The following ANKLE1 variants were observed in gnomAD, a reference collection of about 807,000 sequenced individuals.
ANKLE1 encodes structure-specific endonuclease ANKLE1.
ANKLE1 carries 59 observed loss-of-function variants against 56.2 expected under a neutral mutation model. The ratio of observed to expected loss-of-function variants is 1.05; its 90% CI spans 0.85 to 1.30. The LOEUF is 1.30. Ranked by LOEUF, ANKLE1 falls within the 50% of genes most tolerant of loss-of-function variation. The pLI is 0.00. For missense variants in ANKLE1, 771 were observed against 816.1 expected (o/e 0.94, Z 0.67); for synonymous variants, 341 against 352.9 (o/e 0.97, Z 0.38).
Position 17,283,512 on chromosome 19 carries a change from G to C in ANKLE1, c.748G>C (p.Gly250Arg), listed in dbSNP as rs35635297. Residue 250 changes from glycine (G) to arginine (R), a missense_variant, in exon 5 of 9, where the codon GGA becomes CGA. By Grantham distance (125) the Gly-to-Arg change is moderately radical. Transcript: ENST00000404085. Reference protein sequence around the residue: ...WAGSLPPTRQGLLHVVHANQR... With the variant: ...WAGSLPPTRQRLLHVVHANQR... ...TGGGTCATTGCCACCGACCAGGCAG[G>C]GACTTCTGCATGTTGTCCATGCCAA... The C allele has an allele frequency of 1.5e-4, 239 of 1,613,018 alleles. 1 individual carries two copies. In the African/African-American group the frequency reaches 3.1e-3, roughly 21 times the overall value.
In ANKLE1 at chr19:17,284,203, C is replaced by A; in HGVS notation, c.1313C>A (p.Pro438His). 6.2e-7 allele frequency: 1 copy of A among 1,613,894 alleles called. No homozygotes were observed. Among genetic ancestry groups the A allele is most frequent in the Non-Finnish European group, 8.5e-7 (1 of 1,179,894 alleles). The stretch of plus-strand genomic sequence containing the variant: ...GCCCAGCAGTTTGAGCAGCCAGATC[C>A]TGCCAGGAGGTGGCGGGAGGGGGTC... ...ALAQQFEQPD[P>H]ARRWREGVVK... Residue 438 changes from proline (P) to histidine (H), a missense_variant, in exon 6 of 9, where the codon CCT becomes CAT. By Grantham distance (77) the Pro-to-His change is moderately conservative. Transcript: ENST00000404085.
chr19:17,286,910 T>A lies in ANKLE1; in HGVS notation c.*358T>A. ...AACTCCACCTGGAATAGGAGCTGGG[T>A]AAAATGAGGCTGAAACCTACTGGGC... On this transcript the variant is annotated 3_prime_UTR_variant, in exon 9 of 9. Coordinates refer to ENST00000404085, the MANE Select transcript of ANKLE1 (RefSeq NM_152363.6). The A allele has an allele frequency of 1.3e-6, 1 of 758,074 alleles. No homozygotes were observed. The highest frequency in any genetic ancestry group is 1.7e-6 in the Non-Finnish European group (1 of 594,090). 47.0% of individuals were successfully genotyped at this position (758,074 alleles called of 1,614,324 possible). A position where few individuals can be genotyped will look rare whatever the true frequency, so the allele number is the denominator to read the frequency against.
At chr19:17,284,035 C>G (rs1317190811) in intron 5 of ANKLE1, 54 bp from the exon 6 acceptor site, 19 of 1,604,410 alleles carry the variant, frequency 1.2e-5, no homozygotes, top group Non-Finnish European at 1.5e-5. Flanking sequence ...CTCTCAGCCC[C>G]ACTTTCCTCC....
At position 17,286,493 on chromosome 19, in the gene ANKLE1, G is replaced by T; in HGVS notation, c.1789G>T (p.Val597Phe). Residue 597 changes from valine (V) to phenylalanine (F), a missense_variant, in exon 9 of 9, where the codon GTC becomes TTC. Physicochemically the swap from Val to Phe is conservative, Grantham distance 50. Coordinates refer to ENST00000404085, the MANE Select transcript of ANKLE1 (RefSeq NM_152363.6). ...GVHLLHRALL[V>F]FLAEGERQLH... ...GCACCTGCTGCACCGTGCCCTCCTT[G>T]TCTTCCTGGCTGAAGGCGAGCGACA... 2 of 1,612,688 alleles carry T rather than the reference G, an allele frequency of 1.2e-6. No homozygotes were observed. The highest frequency in any genetic ancestry group is 2.7e-5 in the African/African-American group (2 of 75,048).
Position 17,283,944 on chromosome 19 carries a change from G to T in ANKLE1, c.1180G>T (p.Glu394Ter), listed in dbSNP as rs2074004679. ...TRQLYHQQLE[E>*]AQIAPGPEFS... ...GCAGTTGTACCACCAGCAGCTGGAA[G>T]AAGCCCAGATTGCTCCTGGTTAGTC... Residue 394 changes from glutamate (E) to a stop codon, truncating the protein, a stop_gained, in exon 5 of 9, where the codon GAA (glutamate) becomes TAA (stop). Transcript: ENST00000404085. LOFTEE classifies it high-confidence loss of function. 2 of 1,606,542 alleles carry T rather than the reference G, an allele frequency of 1.2e-6. No individual in the cohort carries two copies. Among genetic ancestry groups the T allele is most frequent in the Admixed American group, 1.7e-5 (1 of 59,786 alleles).
chr19:17,283,810 C>A lies in ANKLE1; in HGVS notation c.1046C>A (p.Pro349His), dbSNP rs1193044858. 1.2e-6 allele frequency: 2 copies of A among 1,613,420 alleles called. No individual in the cohort carries two copies. Among genetic ancestry groups the A allele is most frequent in the Admixed American group, 1.7e-5 (1 of 60,028 alleles). The change falls in exon 5 of 9, where the codon CCT becomes CAT. Residue 349 changes from proline (P) to histidine (H), a missense_variant. Coordinates refer to ENST00000404085, the MANE Select transcript of ANKLE1 (RefSeq NM_152363.6). The part of the protein sequence containing the change: ...DEASSTGGRE[P>H]VGPCRHLPVS... ...GCAAGCTCTACAGGTGGCAGGGAAC[C>A]TGTCGGCCCTTGCCGGCACCTGCCA... is the stretch of plus-strand genomic sequence containing the variant.
At position 17,284,404 on chromosome 19, in the gene ANKLE1, A is replaced by G. The variant is rs146612163; in HGVS notation, c.1376+138A>G. 1,321 of 956,122 alleles carry G rather than the reference A, an allele frequency of 1.4e-3. 6 individuals carry two copies. In the African/African-American group the frequency reaches 0.016, roughly 11 times the overall value. The allele number at this position is 956,122 out of a possible 1,614,324, so 59.2% of individuals were successfully genotyped here. A position where few individuals can be genotyped will look rare whatever the true frequency, so the allele number is the denominator to read the frequency against. On this transcript the variant is annotated intron_variant, in intron 6 of 8. Coordinates refer to ENST00000404085, the MANE Select transcript of ANKLE1 (RefSeq NM_152363.6). ...TCTTCTTTTTTTTTATTTTTTTAAG[A>G]CGGAGTTTCACTCTTGTTGCCAAGG...
At position 17,285,727 on chromosome 19, in the gene ANKLE1, CCAGTGGTTGCGGT is replaced by C; in HGVS notation, c.1584_1596del (p.Ser529LeufsTer26). ...GTGCGTCAGATCTTGGACATCTGGG[CCAGTGGTTGCGGT>C]GTTGTGTCCCTACATTGCTTCCAGC... On this transcript the variant is annotated frameshift_variant, in exon 8 of 9. Coordinates refer to ENST00000404085, the MANE Select transcript of ANKLE1 (RefSeq NM_152363.6). LOFTEE classifies it high-confidence loss of function. The C allele has an allele frequency of 6.2e-7, 1 of 1,613,924 alleles. No homozygotes were observed. The highest frequency in any genetic ancestry group is 8.5e-7 in the Non-Finnish European group (1 of 1,179,884).
intron 6 of ANKLE1, 76 bp downstream of exon 6, chr19:17,284,342 A>G: frequency 1.4e-6 from 2 of 1,441,446 alleles, no homozygotes; most frequent in Non-Finnish European, 9.6e-7. Flanking sequence ...GTGTGCCCTT[A>G]AGAAAGGGAC....
Position 17,286,468 on chromosome 19 carries a change from G to T in ANKLE1, c.1764G>T (p.Val588=). The T allele has an allele frequency of 6.2e-7, 1 of 1,612,606 alleles. No individual in the cohort carries two copies. Among genetic ancestry groups the T allele is most frequent in the Non-Finnish European group, 8.5e-7 (1 of 1,179,728 alleles). The change falls in exon 9 of 9, where the codon GTG becomes GTT. Residue 588 remains valine, a synonymous_variant. Coordinates refer to ENST00000404085, the MANE Select transcript of ANKLE1 (RefSeq NM_152363.6). Reference sequence around the variant, plus strand: ...CTGCTCGTCGCCGGCGCTTGGGGGTGCACCTGCTGCACCGTGCCCTCCTTG... The same window carrying T: ...CTGCTCGTCGCCGGCGCTTGGGGGTTCACCTGCTGCACCGTGCCCTCCTTG... ...WPPARRRRLG[V]HLLHRALLVF...
At chr19:17,282,617 G>A (rs1417231151) in intron 2 of ANKLE1, 39 bp from the exon 3 acceptor site, 2 of 1,520,878 alleles carry the variant, frequency 1.3e-6, no homozygotes, top group Non-Finnish European at 1.8e-6. Context: ...CTGCCGGGAG[G>A]CTGAGTCCGC....
intron 6 of ANKLE1, 112 bp from the exon 7 acceptor site, chr19:17,285,319 C>T (rs2074019079): frequency 1.5e-5 from 19 of 1,308,674 alleles, no homozygotes; most frequent in Non-Finnish European, 2.0e-5. Flanking sequence ...TCTCTCTGAT[C>T]CTGTAATCAG....
rs1429949503 is a variant in ANKLE1, at chr19:17,284,076, C to T, written c.1199-13C>T. On this transcript the variant is annotated splice_polypyrimidine_tract_variant and intron_variant, in intron 5 of 8. Transcript: ENST00000404085. The stretch of plus-strand genomic sequence containing the variant: ...TCAGAATCATCCCTTCCTCCATCTC[C>T]CTTGACTTCCAGGCCCAGAGTTTTC... 1.2e-6 allele frequency: 2 copies of T among 1,612,796 alleles called. No homozygotes were observed. Among genetic ancestry groups the T allele is most frequent in the African/African-American group, 2.7e-5 (2 of 75,030 alleles).
Position 17,286,506 on chromosome 19 carries a change from AAGG to A in ANKLE1, c.1803_1805del (p.Glu601_Gly602delinsAsp). Reference sequence around the variant, plus strand: ...CGTGCCCTCCTTGTCTTCCTGGCTGAAGGCGAGCGACAGCTTCATCCCCAGGAC... The same window carrying A: ...CGTGCCCTCCTTGTCTTCCTGGCTGACGAGCGACAGCTTCATCCCCAGGAC... On this transcript the variant is annotated inframe_deletion, in exon 9 of 9. Coordinates refer to ENST00000404085, the MANE Select transcript of ANKLE1 (RefSeq NM_152363.6). 1 of 1,611,916 alleles carries A rather than the reference AAGG, an allele frequency of 6.2e-7. No homozygotes were observed.
At position 17,283,065 on chromosome 19, in the gene ANKLE1, C is replaced by A; in HGVS notation, c.460+63C>A. On this transcript the variant is annotated intron_variant, in intron 4 of 8. Coordinates refer to ENST00000404085, the MANE Select transcript of ANKLE1 (RefSeq NM_152363.6). ...TGGACCAGTCCCTGACATCCAGGGT[C>A]TTCCCCACCCCACCCATTGGTTCTG... 2.0e-6 allele frequency: 3 copies of A among 1,535,498 alleles called. No individual in the cohort carries two copies. In the South Asian group the frequency reaches 3.6e-5, roughly 18 times the overall value.
In ANKLE1 at chr19:17,286,676, G is replaced by GTGTGTGTGTGTGTGTT; in HGVS notation, c.*140_*155dup. On this transcript the variant is annotated 3_prime_UTR_variant, in exon 9 of 9. Coordinates refer to ENST00000404085, the MANE Select transcript of ANKLE1 (RefSeq NM_152363.6). ...TGTGTGTGTGTGTGTGTGTGTGTGT[G>GTGTGTGTGTGTGTGTT]TGTGTGTGTGTGTGTTTGTGTGTGT... The GTGTGTGTGTGTGTGTT allele has an allele frequency of 1.7e-6, 2 of 1,185,032 alleles. No individual in the cohort carries two copies. The highest frequency in any genetic ancestry group is 2.3e-6 in the Non-Finnish European group (2 of 882,752). The allele number at this position is 1,185,032 out of a possible 1,614,324, so 73.4% of individuals were successfully genotyped here.
rs2074041947 is a variant in ANKLE1 at position 17,286,998 on chromosome 19, A to AGGAGGTCAGC, written c.*446_*447insGGAGGTCAGC. The AGGAGGTCAGC allele has an allele frequency of 1.0e-5, 2 of 190,726 alleles. No homozygotes were observed. The highest frequency in any genetic ancestry group is 2.0e-5 in the Non-Finnish European group (2 of 101,508). The allele number at this position is 190,726 out of a possible 1,614,324, so 11.8% of individuals were successfully genotyped here. A position where few individuals can be genotyped will look rare whatever the true frequency, so the allele number is the denominator to read the frequency against. ...ATCAGGTAGGAGGTCAGCACAAGAT[A>AGGAGGTCAGC]ACGGGTCATAAAGAACCTGCTGATA... On this transcript the variant is annotated 3_prime_UTR_variant, in exon 9 of 9. Coordinates refer to ENST00000404085, the MANE Select transcript of ANKLE1 (RefSeq NM_152363.6).
rs150471720 is a variant in ANKLE1 at position 17,284,220 on chromosome 19, G to A, written c.1330G>A (p.Glu444Lys). The A allele has an allele frequency of 1.9e-6, 3 of 1,613,776 alleles. No individual in the cohort carries two copies. Among genetic ancestry groups the A allele is most frequent in the Non-Finnish European group, 2.5e-6 (3 of 1,179,902 alleles). The change falls in exon 6 of 9, where the codon GAG becomes AAG. Residue 444 changes from glutamate (E) to lysine (K), a missense_variant. Transcript: ENST00000404085. The stretch of plus-strand genomic sequence containing the variant: ...GCCAGATCCTGCCAGGAGGTGGCGG[G>A]AGGGGGTCGTGAAGTCTAGCTTCAC... ...EQPDPARRWREGVVKSSFTYL... is the reference protein window; with the variant it reads ...EQPDPARRWRKGVVKSSFTYL...
chr19:17,286,634 TGGTTTCAGAAGGG>T lies in ANKLE1; in HGVS notation c.*84_*96del, dbSNP rs1568343492. 1 of 1,542,112 alleles carries T rather than the reference TGGTTTCAGAAGGG, an allele frequency of 6.5e-7. No homozygotes were observed. The highest frequency in any genetic ancestry group is 8.7e-7 in the Non-Finnish European group (1 of 1,146,194). ...CCATGCTGACAGCAGCCCCCATCTC[TGGTTTCAGAAGGG>T]GTGTGTGTGTGTGTGTGTGTGTGTG... On this transcript the variant is annotated 3_prime_UTR_variant, in exon 9 of 9. Coordinates refer to ENST00000404085, the MANE Select transcript of ANKLE1 (RefSeq NM_152363.6).
Sources: allele counts gnomAD v4.1 joint callset, GRCh38; gene constraint gnomAD v4.1.1; transcripts MANE v1.5; gene names NCBI Gene and HGNC (gene_info 2026-07-23, HGNC 2026-07-21).